IL1RAP: variants seen among roughly 807,000 people sequenced by gnomAD.
The protein encoded by IL1RAP is interleukin 1 receptor accessory protein.
In IL1RAP, 35 loss-of-function variants were observed where a neutral mutation model predicts 60.7. The ratio of observed to expected loss-of-function variants is 0.58; its 90% CI spans 0.44 to 0.76. IL1RAP has a LOEUF of 0.76. IL1RAP is among the 30% of genes least tolerant of loss of function. The pLI is 0.00. For synonymous variants in IL1RAP, 268 were observed against 250.9 expected (o/e 1.07, Z -0.64); for missense variants, 572 against 693.9 (o/e 0.82, Z 1.97).
intron 1 of IL1RAP, among the ~76,000 whole-genome samples, chr3:190,521,046 TA>T (rs1434696312): frequency 1.3e-5 from 2 of 152,176 alleles, no homozygotes; most frequent in Non-Finnish European, 2.9e-5. Flanking sequence ...ATGGGGATAA[TA>T]AAACCCATCT....
intron 5 of IL1RAP, among the ~76,000 whole-genome samples, chr3:190,613,421 A>G (rs1577727726): frequency 6.6e-6 from 1 of 152,156 alleles, no homozygotes; most frequent in East Asian, 1.9e-4. Context: ...AATCAGAGCT[A>G]AAGACAGAAA....
At chr3:190,653,797 G>C (rs1051856731), downstream of IL1RAP, among the ~76,000 whole-genome samples, 9 of 152,150 alleles carry the variant, frequency 5.9e-5, no homozygotes, top group African/African-American at 1.9e-4. Context: ...GTAAACTTTA[G>C]CATTAAAAAT....
At chr3:190,638,962 G>A (rs1036853814) in intron 9 of IL1RAP, among the ~76,000 whole-genome samples, 2 of 151,974 alleles carry the variant, frequency 1.3e-5, no homozygotes, top group Admixed American at 6.6e-5. Context: ...AAATGCAAAC[G>A]GGGCAGTTTT....
At chr3:190,540,891 T>G (rs1723878491) in intron 1 of IL1RAP, among the ~76,000 whole-genome samples, 1 of 152,104 alleles carries the variant, frequency 6.6e-6, no homozygotes, top group Admixed American at 6.6e-5. Flanking sequence ...GCCCATTACA[T>G]ACGTGTTTTC....
chr3:190,567,857 T>C (rs1726556338), intron 3 of IL1RAP, among the ~76,000 whole-genome samples: 1 of 152,204 alleles, frequency 6.6e-6, no homozygotes, highest in Non-Finnish European at 1.5e-5. Context: ...TTTTCACTAA[T>C]AAACTCGAAG....
At chr3:190,547,386 G>T (rs1486901121) in intron 1 of IL1RAP, among the ~76,000 whole-genome samples, 1 of 152,098 alleles carries the variant, frequency 6.6e-6, no homozygotes, top group Non-Finnish European at 1.5e-5. Flanking sequence ...GGATGATCCT[G>T]GTGCCCAAAA....
At chr3:190,621,774 A>C (rs1577750676) in intron 6 of IL1RAP, among the ~76,000 whole-genome samples, 1 of 143,282 alleles carries the variant, frequency 7.0e-6, no homozygotes, top group Non-Finnish European at 1.5e-5. Context: ...GTTATGAAAA[A>C]TTAGCTTTTC....
At position 190,650,347 on chromosome 3, in the gene IL1RAP, G is replaced by T. The variant is rs113660236; in HGVS notation, c.*1642G>T. 23,962 of 985,200 alleles carry T rather than the reference G, an allele frequency of 0.024. 356 individuals carry two copies. The highest frequency in any genetic ancestry group is 0.083 in the Middle Eastern group (159 of 1,914). The allele number at this position is 985,200 out of a possible 1,614,324, so 61.0% of individuals were successfully genotyped here. A position where few individuals can be genotyped will look rare whatever the true frequency, so the allele number is the denominator to read the frequency against. ...ATCTGCTGTGCACAGAGCTTCCATG[G>T]TCACTGCTAAGCAGTAGCCAGCCAT... On this transcript the variant is annotated 3_prime_UTR_variant, in exon 12 of 12. Transcript: ENST00000447382.
intron 10 of IL1RAP, among the ~76,000 whole-genome samples, 173 bp downstream of exon 10, chr3:190,644,570 T>C (rs1315613892): frequency 6.6e-6 from 1 of 152,238 alleles, no homozygotes; most frequent in Non-Finnish European, 1.5e-5. Context: ...CGAAGATTAT[T>C]ATTCTATTTT....
At chr3:190,558,987 C>T (rs969071024) in intron 2 of IL1RAP, among the ~76,000 whole-genome samples, 7 of 152,162 alleles carry the variant, frequency 4.6e-5, no homozygotes, top group East Asian at 1.9e-4. Context: ...CTTAGGGTTT[C>T]GTAAGGCTGA....
At chr3:190,636,450 T>C (rs1733229630) in intron 9 of IL1RAP, among the ~76,000 whole-genome samples, 1 of 151,986 alleles carries the variant, frequency 6.6e-6, no homozygotes, top group South Asian at 2.1e-4. Context: ...GACTCTTAAA[T>C]TGTGAAATGT....
At position 190,648,587 on chromosome 3, in the gene IL1RAP, A is replaced by T; in HGVS notation, c.1595A>T (p.Lys532Met). 1.2e-6 allele frequency: 2 copies of T among 1,614,210 alleles called. No individual in the cohort carries two copies. Among genetic ancestry groups the T allele is most frequent in the Non-Finnish European group, 1.7e-6 (2 of 1,180,038 alleles). The change falls in exon 12 of 12, where the codon AAG (lysine) becomes ATG (methionine). Residue 532 changes from lysine (K) to methionine (M), a missense_variant. Coordinates refer to ENST00000447382, the MANE Select transcript of IL1RAP (RefSeq NM_002182.4). ...ATTAAATGGAAAGGGGAAAAATCCA[A>T]GTATCCACAGGGCAGGTTCTGGAAG... Reference protein sequence around the residue: ...TVIKWKGEKSKYPQGRFWKQL... With the variant: ...TVIKWKGEKSMYPQGRFWKQL...
intron 10 of IL1RAP, among the ~76,000 whole-genome samples, chr3:190,644,688 AAAG>A (rs1479949005): frequency 2.6e-5 from 4 of 152,232 alleles, no homozygotes; most frequent in African/African-American, 7.2e-5. Context: ...GTAAAAGTAA[AAAG>A]AAACAAGTAA....
chr3:190,646,343 C>T (rs1734013883), intron 11 of IL1RAP, among the ~76,000 whole-genome samples: 1 of 151,970 alleles, frequency 6.6e-6, no homozygotes, highest in Non-Finnish European at 1.5e-5. Context: ...CAGTATTTTC[C>T]TGTGGCATTT....
intron 5 of IL1RAP, among the ~76,000 whole-genome samples, chr3:190,614,756 C>T (rs1731115317): frequency 6.6e-6 from 1 of 152,110 alleles, no homozygotes; most frequent in Admixed American, 6.6e-5. Context: ...TCTGGGATTT[C>T]AGGCCAGTTC....
intron 1 of IL1RAP, among the ~76,000 whole-genome samples, chr3:190,554,293 A>G (rs936538941): frequency 6.6e-6 from 1 of 152,050 alleles, no homozygotes; most frequent in Non-Finnish European, 1.5e-5. Flanking sequence ...ACGGGCTCTC[A>G]GCAAAGTGAG....
intron 3 of IL1RAP, among the ~76,000 whole-genome samples, chr3:190,579,969 C>A (rs1024938): frequency 0.63 from 96,190 of 152,010 alleles, 30,676 homozygotes; most frequent in Middle Eastern, 0.72. Context: ...GAGAAATATT[C>A]TTCATCCCTG....
intron 9 of IL1RAP, among the ~76,000 whole-genome samples, chr3:190,636,457 A>T (rs4624606): frequency 0.72 from 108,700 of 151,788 alleles, 39,273 homozygotes; most frequent in East Asian, 0.83. Context: ...AAATTGTGAA[A>T]TGTCCGTTTT....
chr3:190,565,387 T>G (rs1208181296), intron 3 of IL1RAP, among the ~76,000 whole-genome samples: 3 of 152,236 alleles, frequency 2.0e-5, no homozygotes, highest in South Asian at 4.1e-4. Context: ...CATATAACCA[T>G]GACCTCAGTG....
Sources: gnomAD v4.1 joint callset for allele counts (sites outside exome capture counted in the v4.1 genomes callset) on GRCh38, gnomAD v4.1.1 for gene constraint, MANE v1.5 for transcripts, NCBI Gene and HGNC (gene_info 2026-07-23, HGNC 2026-07-21) for gene names.